Variants in PRKCE observed in about 807,000 individuals in gnomAD.
PRKCE encodes protein kinase C epsilon type.
Under a neutral mutation model 85.4 loss-of-function variants are expected in PRKCE, and 16 were observed. That is an observed-to-expected ratio of 0.19 (90% CI 0.13 to 0.28). The LOEUF is 0.28. Ranked by LOEUF, PRKCE falls within the 10% of genes least tolerant of loss-of-function variation. PRKCE has a pLI of 1.00. For synonymous variants in PRKCE, 388 were observed against 371.5 expected, an observed-to-expected ratio of 1.04 and a Z score of -0.51; for missense variants, 573 against 975.2, an observed-to-expected ratio of 0.59 and a Z score of 5.49.
At chr2:45,689,362 C>T (rs71422169) in intron 1 of PRKCE, among the ~76,000 whole-genome samples, 2,187 of 152,260 alleles carry the variant, frequency 0.014, 32 homozygotes, top group East Asian at 0.043. Context: ...AAGAACTGAA[C>T]TGAACTGAAT....
chr2:46,035,750 C>T (rs1478753232), intron 10 of PRKCE, among the ~76,000 whole-genome samples: 1 of 152,172 alleles, frequency 6.6e-6, no homozygotes. Flanking sequence ...TAAACATAGC[C>T]TAACACCATG....
At chr2:45,824,461 T>C (rs1292726283) in intron 1 of PRKCE, among the ~76,000 whole-genome samples, 1 of 152,120 alleles carries the variant, frequency 6.6e-6, no homozygotes, top group African/African-American at 2.4e-5. Context: ...CAGCAGGGCA[T>C]TGGGTTGGAC....
At chr2:46,109,000 A>G (rs1036762241) in intron 11 of PRKCE, among the ~76,000 whole-genome samples, 5 of 151,852 alleles carry the variant, frequency 3.3e-5, no homozygotes, top group Non-Finnish European at 7.4e-5. Context: ...GTCAAAACTC[A>G]GTTGGCTGTA....
chr2:45,903,997 G>A lies in PRKCE; in HGVS notation c.412+60934G>A, dbSNP rs137917634. Among the ~76,000 whole-genome samples, 315 of 151,410 alleles carry A rather than the reference G, an allele frequency of 2.1e-3. 1 individual carries two copies. Among genetic ancestry groups the A allele is most frequent in the African/African-American group, 7.3e-3 (299 of 41,148 alleles). ...CTGCTCACTGCAACCTCCCATTGCT[G>A]AGTTCAAGCGATTCTCGTGCCTCAC... On this transcript the variant is annotated intron_variant, in intron 2 of 14. Coordinates refer to ENST00000306156, the MANE Select transcript of PRKCE (RefSeq NM_005400.3).
At chr2:45,997,197 T>C (rs1558937751) in intron 6 of PRKCE, among the ~76,000 whole-genome samples, 2 of 150,966 alleles carry the variant, frequency 1.3e-5, no homozygotes, top group South Asian at 2.1e-4. Flanking sequence ...TGTCTTCTCT[T>C]TCTCTCTCTC....
intron 1 of PRKCE, chr2:45,677,190 C>G (rs1572909762): frequency 2.0e-5 from 3 of 152,356 alleles, no homozygotes; most frequent in African/African-American, 7.2e-5. Context: ...GATCTTCCTC[C>G]CTCTCCTCCT....
chr2:45,852,273 C>G (rs759973275), intron 2 of PRKCE, among the ~76,000 whole-genome samples: 3 of 152,174 alleles, frequency 2.0e-5, no homozygotes, highest in Non-Finnish European at 4.4e-5. Flanking sequence ...GAGAAATGTT[C>G]TCTGCAACAA....
chr2:45,955,621 C>A (rs1265725293), intron 2 of PRKCE, among the ~76,000 whole-genome samples: 1 of 152,080 alleles, frequency 6.6e-6, no homozygotes, highest in Non-Finnish European at 1.5e-5. Context: ...GAGTTTGAGG[C>A]CAGCCTGGGC....
intron 1 of PRKCE, among the ~76,000 whole-genome samples, chr2:45,703,978 G>A (rs1360652249): frequency 6.6e-6 from 1 of 152,138 alleles, no homozygotes; most frequent in East Asian, 1.9e-4. Flanking sequence ...TTTCACCTGG[G>A]TTAGGAGGCA....
chr2:45,851,285 G>A (rs1573606375), intron 2 of PRKCE, among the ~76,000 whole-genome samples: 1 of 152,228 alleles, frequency 6.6e-6, no homozygotes, highest in Non-Finnish European at 1.5e-5. Flanking sequence ...AACTTTTCAG[G>A]AAGACATGTG....
chr2:45,946,542 G>A (rs1014303989), intron 2 of PRKCE, among the ~76,000 whole-genome samples: 2 of 152,166 alleles, frequency 1.3e-5, no homozygotes, highest in African/African-American at 4.8e-5. Flanking sequence ...GTTCAAACAA[G>A]GTCAACGATG....
chr2:45,811,927 C>A (rs1332720821), intron 1 of PRKCE, among the ~76,000 whole-genome samples: 13 of 152,082 alleles, frequency 8.5e-5, no homozygotes, highest in Admixed American at 6.6e-4. Context: ...ACACACACAC[C>A]CCTCCCATGT....
intron 1 of PRKCE, among the ~76,000 whole-genome samples, chr2:45,816,190 G>A (rs1689025057): frequency 6.6e-6 from 1 of 152,162 alleles, no homozygotes; most frequent in Admixed American, 6.5e-5. Flanking sequence ...GAAGTTTCAT[G>A]TGTGGACTTT....
At chr2:46,008,634 G>A (rs544756252) in intron 9 of PRKCE, among the ~76,000 whole-genome samples, 12 of 152,260 alleles carry the variant, frequency 7.9e-5, no homozygotes, top group South Asian at 2.1e-4. Flanking sequence ...GTTCCCAGCC[G>A]TCTCACCTGC....
rs375765177 is a variant in PRKCE, at chr2:45,729,019, G to A, written c.348+76571G>A. 2.0e-4 allele frequency among the ~76,000 whole-genome samples: 30 copies of A among 152,212 alleles called. No individual in the cohort carries two copies. The East Asian group carries it at 3.3e-3, about 17-fold the overall frequency. On this transcript the variant is annotated intron_variant, in intron 1 of 14. Transcript: ENST00000306156. ...CCCACTTCTTCCCTCACTTCCCATC[G>A]TCTTTCTTTTTCACTGCCCCACCAG...
intron 14 of PRKCE, among the ~76,000 whole-genome samples, chr2:46,163,485 G>A (rs1410685059): frequency 1.6e-5 from 2 of 122,280 alleles, no homozygotes; most frequent in Admixed American, 7.8e-5. Context: ...ACACGGGGAA[G>A]CTGAGCTTCA....
rs757635811 is a variant in PRKCE, at chr2:46,159,598, C to A, written c.1921-8C>A. The A allele has an allele frequency of 1.9e-6, 3 of 1,590,760 alleles. No individual in the cohort carries two copies. The highest frequency in any genetic ancestry group is 2.6e-6 in the Non-Finnish European group (3 of 1,175,434). On this transcript the variant is annotated splice_region_variant and splice_polypyrimidine_tract_variant and intron_variant, in intron 13 of 14. Transcript: ENST00000306156. This position sits in a 1 kb window ranked among gnomAD's most constrained non-coding sequence, Gnocchi z 4.1. ...TCACTAATTCCGACTCTGTCCTCATCCCTGCAGTTCATGACGAAGAATCCC... is the reference window on the plus strand; with the variant it reads ...TCACTAATTCCGACTCTGTCCTCATACCTGCAGTTCATGACGAAGAATCCC...
At chr2:45,731,773 G>T (rs899042401) in intron 1 of PRKCE, among the ~76,000 whole-genome samples, 11 of 151,912 alleles carry the variant, frequency 7.2e-5, no homozygotes, top group African/African-American at 2.7e-4. Context: ...ATGGGTGTGT[G>T]CCACCACACC....
chr2:46,123,885 A>G (rs1193971612), intron 11 of PRKCE, among the ~76,000 whole-genome samples: 11 of 152,244 alleles, frequency 7.2e-5, no homozygotes, highest in Admixed American at 6.5e-4. Context: ...CCTACAATGA[A>G]TGAAGAAGCA....
Sources: gnomAD v4.1 joint callset for allele counts (sites outside exome capture counted in the v4.1 genomes callset) on GRCh38, gnomAD v4.1.1 for gene constraint, Gnocchi (gnomAD v3.1) non-coding constraint, MANE v1.5 for transcripts, NCBI Gene and HGNC (gene_info 2026-07-23, HGNC 2026-07-21) for gene names.